NCBP2: variants seen among roughly 807,000 people sequenced by gnomAD.
NCBP2 encodes nuclear cap binding protein subunit 2.
Under a neutral mutation model 21.5 loss-of-function variants are expected in NCBP2, and 8 were observed. The observed-to-expected ratio is 0.37, with a 90% CI of 0.22 to 0.67. The LOEUF (loss-of-function observed/expected upper bound fraction) is 0.67, where lower values mean the gene tolerates loss of function less well. NCBP2 is among the 30% of genes least tolerant of loss of function. The pLI, the probability that NCBP2 is intolerant of heterozygous loss-of-function variation, is 0.56. For synonymous variants in NCBP2, 92 were observed against 75.8 expected, an observed-to-expected ratio of 1.21 and a Z score of -1.11; for missense variants, 127 against 206.9, an observed-to-expected ratio of 0.61 and a Z score of 2.37.
chr3:196,942,072 AGAAG>A, intron 1 of NCBP2: 1 of 1,524,206 alleles, frequency 6.6e-7, no homozygotes, highest in Non-Finnish European at 8.8e-7. Flanking sequence ...TCTGGGAGAG[AGAAG>A]GGCACCCCTC....
chr3:196,941,562 T>G, intron 1 of NCBP2: 1 of 331,572 alleles, frequency 3.0e-6, no homozygotes, highest in Non-Finnish European at 5.6e-6. Context: ...CTACAGGGGA[T>G]TATGAGCTCG....
chr3:196,937,761 G>A, intron 2 of NCBP2, 113 bp from the exon 3 acceptor site: 2 of 1,340,028 alleles, frequency 1.5e-6, no homozygotes, highest in Non-Finnish European at 2.1e-6. Flanking sequence ...ACCAGATGGA[G>A]TTCAAAGACA....
intron 1 of NCBP2, among the ~76,000 whole-genome samples, chr3:196,940,531 C>G (rs1024064623): frequency 6.2e-5 from 9 of 144,500 alleles, no homozygotes; most frequent in Non-Finnish European, 1.4e-4. Context: ...ACTTTTCTCA[C>G]ACATGTAAGT....
At chr3:196,941,425 C>T (rs79273001) in intron 1 of NCBP2, 23,609 of 155,576 alleles carry the variant, frequency 0.15, 2,122 homozygotes, top group African/African-American at 0.25. Context: ...CCTAATTTAG[C>T]GTCAAACAAA....
At chr3:196,939,986 T>C (rs1716454453) in intron 1 of NCBP2, 2 of 152,380 alleles carry the variant, frequency 1.3e-5, no homozygotes, top group Admixed American at 6.5e-5. Context: ...GGCTTCCAAA[T>C]TGGGATGACA....
chr3:196,937,446 A>C, intron 3 of NCBP2, 64 bp downstream of exon 3: 2 of 1,595,886 alleles, frequency 1.3e-6, no homozygotes, highest in Non-Finnish European at 8.5e-7. Flanking sequence ...CAAATTGCCA[A>C]AACACCTGTC....
At chr3:196,939,662 CAA>C (rs1716436281) in intron 1 of NCBP2, among the ~76,000 whole-genome samples, 3 of 152,194 alleles carry the variant, frequency 2.0e-5, no homozygotes, top group Admixed American at 2.0e-4. Context: ...CCACATACAA[CAA>C]AGTCACTTCT....
intron 2 of NCBP2, 85 bp downstream of exon 2, chr3:196,939,163 CGTA>C (rs2108880606): frequency 5.0e-6 from 6 of 1,196,580 alleles, no homozygotes; most frequent in Middle Eastern, 3.9e-4. Flanking sequence ...TGAAGGAAAA[CGTA>C]GGGACGAGTG....
rs1716621658 is a variant in NCBP2, at chr3:196,942,183, G to C, written c.78+243C>G. The C allele has an allele frequency of 3.4e-6, 5 of 1,455,388 alleles. No individual in the cohort carries two copies. In the South Asian group the frequency reaches 7.2e-5, roughly 21 times the overall value. The allele number at this position is 1,455,388 out of a possible 1,614,324, so 90.2% of individuals were successfully genotyped here. Reference sequence around the variant, plus strand: ...ACCTCTCGGCACTGGCTGGGGTACAGGGAGCGGCTGCGAGCGAATGGGATA... The same window carrying C: ...ACCTCTCGGCACTGGCTGGGGTACACGGAGCGGCTGCGAGCGAATGGGATA... On this transcript the variant is annotated intron_variant, in intron 1 of 3. Coordinates refer to ENST00000321256, the MANE Select transcript of NCBP2 (RefSeq NM_007362.5).
In NCBP2 at chr3:196,936,658, T is replaced by G; in HGVS notation, c.*353A>C. 1 of 286,852 alleles carries G rather than the reference T, an allele frequency of 3.5e-6. No individual in the cohort carries two copies. The highest frequency in any genetic ancestry group is 6.7e-6 in the Non-Finnish European group (1 of 148,416). 17.8% of individuals were successfully genotyped at this position (286,852 alleles called of 1,614,324 possible). The stretch of plus-strand genomic sequence containing the variant: ...GCCCCAATGTAGATCATGAACCTAC[T>G]TAAGACTCATTATGGTAAAAACAAA... On this transcript the variant is annotated 3_prime_UTR_variant, in exon 4 of 4. Coordinates refer to ENST00000321256, the MANE Select transcript of NCBP2 (RefSeq NM_007362.5).
chr3:196,936,457 G>C lies in NCBP2; in HGVS notation c.*554C>G, dbSNP rs1447079206. Reference sequence around the variant, plus strand: ...CATTTGTTGTTTTTCGTTGTGCTTTGTAGAGACGGGGTCTTGCTATGTTGC... The same window carrying C: ...CATTTGTTGTTTTTCGTTGTGCTTTCTAGAGACGGGGTCTTGCTATGTTGC... On this transcript the variant is annotated 3_prime_UTR_variant, in exon 4 of 4. Transcript: ENST00000321256. 1 of 154,424 alleles carries C rather than the reference G, an allele frequency of 6.5e-6. No individual in the cohort carries two copies. Among genetic ancestry groups the C allele is most frequent in the East Asian group, 1.9e-4 (1 of 5,224 alleles). 9.6% of individuals were successfully genotyped at this position (154,424 alleles called of 1,614,324 possible).
intron 1 of NCBP2, chr3:196,942,104 G>A (rs1156823897): frequency 8.1e-6 from 12 of 1,485,916 alleles, no homozygotes; most frequent in Admixed American, 4.7e-5. Flanking sequence ...CTACGTAGTC[G>A]TCTGCGGAGG....
chr3:196,941,218 G>C (rs1716540701), intron 1 of NCBP2: 1 of 151,818 alleles, frequency 6.6e-6, no homozygotes, highest in African/African-American at 2.4e-5. Flanking sequence ...TCAGCCTCCC[G>C]AATAGCTGGG....
Position 196,937,609 on chromosome 3 carries a change from G to A in NCBP2, c.300C>T (p.Tyr100=). Residue 100 remains tyrosine, a synonymous_variant, in exon 3 of 4, where the codon TAC becomes TAT. Transcript: ENST00000321256. ...GGTCATCCAGACGCGTCCCATTTAT[G>A]TACCGCATGGCGTTTTCCGCATCTG... ...SRADAENAMR[Y]INGTRLDDRI... 1 of 1,614,184 alleles carries A rather than the reference G, an allele frequency of 6.2e-7. No homozygotes were observed. The highest frequency in any genetic ancestry group is 8.5e-7 in the Non-Finnish European group (1 of 1,180,046).
intron 2 of NCBP2, chr3:196,938,783 C>G (rs2593977): frequency 0.34 from 52,299 of 152,360 alleles, 10,120 homozygotes; most frequent in East Asian, 0.77. Context: ...AGCCACCATG[C>G]CCAGCTGTAC....
rs374970765 is a variant in NCBP2, at chr3:196,942,417, C to T, written c.78+9G>A. 2.2e-4 allele frequency: 352 copies of T among 1,611,688 alleles called. No homozygotes were observed. The highest frequency in any genetic ancestry group is 1.6e-4 in the Middle Eastern group (1 of 6,084). On this transcript the variant is annotated intron_variant, in intron 1 of 3. Transcript: ENST00000321256. ...GGGCCTTCCCGTCTCGCGGCCCGGC[C>T]TCCCTCACCCGGAAGTGCTGGTCCC...
intron 1 of NCBP2, 159 bp downstream of exon 1, chr3:196,942,267 C>T: frequency 6.7e-7 from 1 of 1,488,744 alleles, no homozygotes; most frequent in Non-Finnish European, 8.9e-7. Flanking sequence ...TCCAAGCGCC[C>T]TTCCAGCACC....
At chr3:196,939,839 A>T (rs767715307) in intron 1 of NCBP2, 31 of 161,662 alleles carry the variant, frequency 1.9e-4, no homozygotes, top group Non-Finnish European at 3.5e-4. Flanking sequence ...AGAGAGAGAG[A>T]GAGTTCCTCT....
intron 2 of NCBP2, 120 bp downstream of exon 2, chr3:196,939,131 T>C (rs1716406926): frequency 1.7e-5 from 13 of 785,806 alleles, no homozygotes; most frequent in Non-Finnish European, 2.8e-5. Context: ...AGAGACACAC[T>C]GGGTGGAAAG....
Sources: gnomAD v4.1 joint callset for allele counts (sites outside exome capture counted in the v4.1 genomes callset) on GRCh38, gnomAD v4.1.1 for gene constraint, MANE v1.5 for transcripts, NCBI Gene and HGNC (gene_info 2026-07-23, HGNC 2026-07-21) for gene names.